The following DSE variants were observed in gnomAD, a reference collection of about 807,000 sequenced individuals.
The protein encoded by DSE is dermatan sulfate epimerase, also known as dermatan-sulfate epimerase.
In DSE, 36 loss-of-function variants were observed where a neutral mutation model predicts 84.4. The ratio of observed to expected loss-of-function variants is 0.43; its 90% CI spans 0.33 to 0.56. The LOEUF is 0.56. DSE is among the 20% of genes least tolerant of loss of function. The pLI, the probability that DSE is intolerant of heterozygous loss-of-function variation, is 0.06. For synonymous variants in DSE, 410 were observed against 430.1 expected, an observed-to-expected ratio of 0.95 and a Z score of 0.58; for missense variants, 862 against 1,169.6, an observed-to-expected ratio of 0.74 and a Z score of 3.84.
intron 2 of DSE, among the ~76,000 whole-genome samples, chr6:116,260,661 A>G (rs1772375805): frequency 1.3e-5 from 2 of 152,118 alleles, no homozygotes; most frequent in Non-Finnish European, 2.9e-5. Flanking sequence ...ATTTTTGTGT[A>G]TGGTATAAGG....
chr6:116,296,784 A>G lies in DSE; in HGVS notation c.-54+37817A>G, dbSNP rs576019852. On this transcript the variant is annotated intron_variant, in intron 2 of 3. Transcript: ENST00000430252. ...GCTTTAAAGGCTATAAGGAAGCTGGATTTTATTCTAGTTACAATGAGAATC... is the reference window on the plus strand; with the variant it reads ...GCTTTAAAGGCTATAAGGAAGCTGGGTTTTATTCTAGTTACAATGAGAATC... 2.0e-5 allele frequency among the ~76,000 whole-genome samples: 3 copies of G among 152,324 alleles called. No individual in the cohort carries two copies. The East Asian group carries it at 5.8e-4, about 29-fold the overall frequency.
intron 2 of DSE, among the ~76,000 whole-genome samples, chr6:116,303,822 G>C (rs1467677098): frequency 6.6e-6 from 1 of 152,126 alleles, no homozygotes; most frequent in Non-Finnish European, 1.5e-5. Context: ...CAGAAACAAA[G>C]AGCCAAATAT....
At chr6:116,269,314 T>C (rs1250151300) in intron 2 of DSE, among the ~76,000 whole-genome samples, 4 of 152,190 alleles carry the variant, frequency 2.6e-5, no homozygotes, top group Non-Finnish European at 5.9e-5. Context: ...GTGAAGTGTT[T>C]TTCACAATAT....
At chr6:116,361,270 AGGCT>A (rs1778868787) in intron 2 of DSE, among the ~76,000 whole-genome samples, 1 of 152,030 alleles carries the variant, frequency 6.6e-6, no homozygotes, top group Non-Finnish European at 1.5e-5. Context: ...CATGTTGGGC[AGGCT>A]GGTGTCAAAC....
chr6:116,393,604 A>C (rs1562277643), intron 1 of DSE, among the ~76,000 whole-genome samples: 1 of 152,194 alleles, frequency 6.6e-6, no homozygotes, highest in Non-Finnish European at 1.5e-5. Context: ...TTTGTGGATG[A>C]CAGAAGGGAG....
upstream of DSE, among the ~76,000 whole-genome samples, chr6:116,368,912 T>C (rs1779326452): frequency 8.7e-6 from 1 of 114,426 alleles, no homozygotes; most frequent in Non-Finnish European, 1.7e-5. Flanking sequence ...TGTTGAGACT[T>C]ACTGTAATGG....
At chr6:116,263,858 T>C (rs962754327) in intron 2 of DSE, among the ~76,000 whole-genome samples, 11 of 152,200 alleles carry the variant, frequency 7.2e-5, no homozygotes, top group African/African-American at 2.7e-4. Flanking sequence ...TTGCTTATGA[T>C]GCTTAGTTTG....
At chr6:116,407,782 C>A (rs759599112) in intron 2 of DSE, among the ~76,000 whole-genome samples, 18 of 152,242 alleles carry the variant, frequency 1.2e-4, no homozygotes, top group Admixed American at 6.5e-5. Flanking sequence ...AAAGATCAAT[C>A]TATTTTCACC....
intron 1 of DSE, among the ~76,000 whole-genome samples, chr6:116,388,672 AT>A (rs1438985330): frequency 1.3e-5 from 2 of 152,232 alleles, no homozygotes; most frequent in African/African-American, 4.8e-5. Flanking sequence ...AAAAAATTAT[AT>A]TTAAGTTTAT....
At chr6:116,299,000 T>C (rs1415739083) in intron 2 of DSE, among the ~76,000 whole-genome samples, 1 of 152,234 alleles carries the variant, frequency 6.6e-6, no homozygotes, top group African/African-American at 2.4e-5. Context: ...TTTTACCTTG[T>C]TTCTAGCTAT....
chr6:116,290,072 C>T (rs1349780937), intron 2 of DSE, among the ~76,000 whole-genome samples: 2 of 152,050 alleles, frequency 1.3e-5, no homozygotes, highest in Non-Finnish European at 2.9e-5. Context: ...ATTAAGAAAT[C>T]CCAGAGATAT....
intron 2 of DSE, among the ~76,000 whole-genome samples, chr6:116,281,924 A>G (rs1042476461): frequency 1.3e-5 from 2 of 152,364 alleles, no homozygotes; most frequent in Middle Eastern, 3.4e-3. Flanking sequence ...ATGAATTTCT[A>G]TATATGTTTC....
chr6:116,343,438 C>T (rs1055808890), intron 2 of DSE, among the ~76,000 whole-genome samples: 2 of 152,142 alleles, frequency 1.3e-5, no homozygotes, highest in African/African-American at 2.4e-5. Flanking sequence ...TCCCCCTCTG[C>T]GACAAAGCTT....
rs1211407800 is a variant in DSE at position 116,430,014 on chromosome 6, A to G, written c.671-940A>G. Reference sequence around the variant, plus strand: ...ATTGTCAACTAAGTGCAACAGTTCTAGAAAGCTAGCATTTCTGAGTTAAAA... The same window carrying G: ...ATTGTCAACTAAGTGCAACAGTTCTGGAAAGCTAGCATTTCTGAGTTAAAA... On this transcript the variant is annotated intron_variant, in intron 3 of 5. Coordinates refer to ENST00000644252, the MANE Select transcript of DSE (RefSeq NM_013352.4). Among the ~76,000 whole-genome samples, 9 of 152,342 alleles carry G rather than the reference A, an allele frequency of 5.9e-5. No individual in the cohort carries two copies. The East Asian group carries it at 1.2e-3, about 20-fold the overall frequency.
rs144676525 is a variant in DSE, at chr6:116,278,764, A to G, written c.-54+19797A>G. On this transcript the variant is annotated intron_variant, in intron 2 of 3. Transcript: ENST00000430252. Reference sequence around the variant, plus strand: ...CTGGGGTTCATGCCCCCTGCGCCATATAATTGGAGTAGAAAGAGACACCAC... The same window carrying G: ...CTGGGGTTCATGCCCCCTGCGCCATGTAATTGGAGTAGAAAGAGACACCAC... 4.4e-4 allele frequency: 717 copies of G among 1,614,208 alleles called. No homozygotes were observed. Among genetic ancestry groups the G allele is most frequent in the Non-Finnish European group, 5.4e-4 (642 of 1,180,034 alleles).
chr6:116,381,348 T>C lies in DSE; in HGVS notation c.-54+10227T>C, dbSNP rs557330859. Among the ~76,000 whole-genome samples the C allele has an allele frequency of 2.5e-4, 38 of 152,120 alleles. 1 individual carries two copies. In the South Asian group the frequency reaches 6.7e-3, roughly 27 times the overall value. ...TGTAGAGAGGAAACGAGGGATGAGA[T>C]TGAGAAGATAGGCCAGAGCTAGATT... On this transcript the variant is annotated intron_variant, in intron 1 of 5. Transcript: ENST00000644252.
At chr6:116,426,880 C>T (rs1389485282) in intron 3 of DSE, 53 bp downstream of exon 3, 13 of 1,563,598 alleles carry the variant, frequency 8.3e-6, no homozygotes, top group Admixed American at 5.3e-5. Context: ...GTCATAGTTG[C>T]CATGTTGTGA....
At chr6:116,296,539 T>G (rs1351740967) in intron 2 of DSE, among the ~76,000 whole-genome samples, 1 of 152,170 alleles carries the variant, frequency 6.6e-6, no homozygotes. Flanking sequence ...TGACTGGGGC[T>G]AAGGTTTTGT....
In DSE at chr6:116,403,809, C is replaced by A. The variant is rs536801953; in HGVS notation, c.416+4143C>A. Among the ~76,000 whole-genome samples the A allele has an allele frequency of 8.5e-5, 13 of 152,226 alleles. No individual in the cohort carries two copies. In the South Asian group the frequency reaches 2.7e-3, roughly 32 times the overall value. ...TTCCCATAGGGCTTTTATGAAGAACCCTCGCAGCCTTCTCATCCTTGCAGT... is the reference window on the plus strand; with the variant it reads ...TTCCCATAGGGCTTTTATGAAGAACACTCGCAGCCTTCTCATCCTTGCAGT... On this transcript the variant is annotated intron_variant, in intron 2 of 5. Coordinates refer to ENST00000644252, the MANE Select transcript of DSE (RefSeq NM_013352.4).
Sources: gnomAD v4.1 joint callset for allele counts (sites outside exome capture counted in the v4.1 genomes callset) on GRCh38, gnomAD v4.1.1 for gene constraint, MANE v1.5 for transcripts, NCBI Gene and HGNC (gene_info 2026-07-23, HGNC 2026-07-21) for gene names.